Variants in ETFA observed in about 807,000 individuals in gnomAD.
The protein encoded by ETFA is electron transfer flavoprotein subunit alpha, mitochondrial.
In ETFA, 22 loss-of-function variants were observed where a neutral mutation model predicts 46.2. The ratio of observed to expected loss-of-function variants is 0.48; its 90% CI spans 0.34 to 0.68. The LOEUF (loss-of-function observed/expected upper bound fraction) is 0.68. Among genes scored for constraint, ETFA ranks in the 30% least tolerant of loss-of-function variants. The probability of loss-of-function intolerance (pLI) is 0.01; values close to 1 mark genes in which losing one functional copy is unlikely to be tolerated. For missense variants in ETFA, 345 were observed against 401.1 expected (o/e 0.86, Z 1.19); for synonymous variants, 131 against 139.9 (o/e 0.94, Z 0.45).
chr15:76,281,285 A>G (rs2039647989), intron 8 of ETFA, among the ~76,000 whole-genome samples: 1 of 152,088 alleles, frequency 6.6e-6, no homozygotes, highest in South Asian at 2.1e-4. Context: ...GATTCCAGGC[A>G]TGAGCCACCA....
At chr15:76,244,019 TG>T (rs1353358818) in intron 9 of ETFA, among the ~76,000 whole-genome samples, 1 of 152,026 alleles carries the variant, frequency 6.6e-6, no homozygotes, top group Admixed American at 6.6e-5. Flanking sequence ...CCCAAGTAGC[TG>T]GGATTACAGC....
At chr15:76,261,178 G>A in intron 9 of ETFA, 3 of 1,535,794 alleles carry the variant, frequency 2.0e-6, no homozygotes, top group Non-Finnish European at 2.7e-6. Flanking sequence ...GATCTTCGTA[G>A]TTCCTCTCCA....
At chr15:76,246,093 A>G (rs2039240528) in intron 9 of ETFA, among the ~76,000 whole-genome samples, 1 of 152,252 alleles carries the variant, frequency 6.6e-6, no homozygotes, top group Non-Finnish European at 1.5e-5. Flanking sequence ...AAAATGGCTA[A>G]TACACAGCAC....
chr15:76,241,581 A>G (rs1428914835), intron 9 of ETFA, among the ~76,000 whole-genome samples: 6 of 151,882 alleles, frequency 4.0e-5, no homozygotes, highest in Admixed American at 3.9e-4. Flanking sequence ...CAGGCGGATC[A>G]CGAGGTCAGG....
At chr15:76,303,914 G>A (rs1596228424) in intron 1 of ETFA, among the ~76,000 whole-genome samples, 1 of 152,182 alleles carries the variant, frequency 6.6e-6, no homozygotes, top group Non-Finnish European at 1.5e-5. Flanking sequence ...TAGAACATTC[G>A]ACCCAGCAAT....
At chr15:76,305,562 C>T (rs1232854393) in intron 1 of ETFA, among the ~76,000 whole-genome samples, 5 of 152,178 alleles carry the variant, frequency 3.3e-5, no homozygotes, top group Non-Finnish European at 7.3e-5. Context: ...AGTTTTCTTT[C>T]TCATGCCAGC....
intron 9 of ETFA, among the ~76,000 whole-genome samples, chr15:76,250,306 C>T (rs934347329): frequency 1.1e-4 from 16 of 151,744 alleles, no homozygotes; most frequent in African/African-American, 3.6e-4. Flanking sequence ...CAGTGCTCCC[C>T]AACTTTTTTA....
chr15:76,269,060 G>A (rs1195703616), intron 9 of ETFA, among the ~76,000 whole-genome samples: 1 of 152,072 alleles, frequency 6.6e-6, no homozygotes, highest in African/African-American at 2.4e-5. Flanking sequence ...ATCCTCTTAA[G>A]TGGATTAAGG....
chr15:76,292,794 T>C (rs1277073685), intron 2 of ETFA, 94 bp from the exon 3 acceptor site: 4 of 880,908 alleles, frequency 4.5e-6, no homozygotes, highest in African/African-American at 1.7e-5. Context: ...AAAATCTTAA[T>C]GGCCAACTGT....
At chr15:76,250,617 T>C (rs2039288875) in intron 9 of ETFA, among the ~76,000 whole-genome samples, 1 of 152,130 alleles carries the variant, frequency 6.6e-6, no homozygotes, top group Admixed American at 6.5e-5. Flanking sequence ...ACTGCAGCCT[T>C]GATCTCCCTG....
At chr15:76,235,651 A>G (rs1054772164) in intron 9 of ETFA, among the ~76,000 whole-genome samples, 1 of 152,188 alleles carries the variant, frequency 6.6e-6, no homozygotes, top group African/African-American at 2.4e-5. Flanking sequence ...CAAGAAGCTC[A>G]CAGTCTAACA....
intron 9 of ETFA, among the ~76,000 whole-genome samples, chr15:76,268,959 T>C (rs879598012): frequency 2.6e-5 from 4 of 152,196 alleles, no homozygotes; most frequent in African/African-American, 7.2e-5. Context: ...AAAACTAAAA[T>C]AGCAGGTTTT....
At chr15:76,247,329 A>C (rs151032023) in intron 9 of ETFA, among the ~76,000 whole-genome samples, 1 of 152,298 alleles carries the variant, frequency 6.6e-6, no homozygotes, top group Non-Finnish European at 1.5e-5. Context: ...TTATGCTCAC[A>C]TTCTATAACC....
chr15:76,260,522 A>G (rs111398352), intron 9 of ETFA: 146,364 of 1,258,040 alleles, frequency 0.12, 2 homozygotes, highest in Middle Eastern at 0.15. Flanking sequence ...CACTGGAGAC[A>G]CACACACGTA....
chr15:76,216,373 C>T lies in ETFA; in HGVS notation c.*186G>A. 3 of 568,864 alleles carry T rather than the reference C, an allele frequency of 5.3e-6. No individual in the cohort carries two copies. The South Asian group carries it at 6.8e-5, about 13-fold the overall frequency. The allele number at this position is 568,864 out of a possible 1,614,324, so 35.2% of individuals were successfully genotyped here. On this transcript the variant is annotated 3_prime_UTR_variant, in exon 12 of 12. Transcript: ENST00000557943. The stretch of plus-strand genomic sequence containing the variant: ...AGTTCAAACAATAATTGTTTGGAAC[C>T]ACAAATAATTAAAAGGAAACACAGC...
intron 1 of ETFA, among the ~76,000 whole-genome samples, chr15:76,303,699 G>C (rs959863346): frequency 6.6e-6 from 1 of 152,170 alleles, no homozygotes; most frequent in Non-Finnish European, 1.5e-5. Context: ...ATAAAAAAAT[G>C]CTCAACATTA....
intron 9 of ETFA, among the ~76,000 whole-genome samples, chr15:76,247,960 C>T (rs2039259396): frequency 6.6e-6 from 1 of 152,204 alleles, no homozygotes; most frequent in Non-Finnish European, 1.5e-5. Context: ...TCTGAGTTCT[C>T]TGAAGCTTTA....
intron 10 of ETFA, among the ~76,000 whole-genome samples, chr15:76,227,516 A>AAAAAAC (rs886616630): frequency 7.7e-5 from 1 of 13,054 alleles, no homozygotes; most frequent in African/African-American, 1.4e-4. Flanking sequence ...ACTCTGTCTC[A>AAAAAAC]AAAAAAAAAA....
intron 9 of ETFA, among the ~76,000 whole-genome samples, chr15:76,262,804 T>C (rs2039430304): frequency 2.0e-5 from 3 of 151,994 alleles, no homozygotes; most frequent in Admixed American, 6.6e-5. Context: ...CTTCTAAAGA[T>C]CTACGATAAA....
Sources: allele counts gnomAD v4.1 joint callset (sites outside exome capture counted in the v4.1 genomes callset), GRCh38; gene constraint gnomAD v4.1.1; transcripts MANE v1.5; gene names NCBI Gene and HGNC (gene_info 2026-07-23, HGNC 2026-07-21).